Variants in PKHD1L1 observed in about 807,000 individuals in gnomAD.
PKHD1L1 encodes the protein PKHD1 like 1, also known as fibrocystin-L.
Under a neutral mutation model 462.9 loss-of-function variants are expected in PKHD1L1, and 434 were observed. The observed-to-expected ratio is 0.94, with a 90% CI of 0.87 to 1.02. The LOEUF is 1.02. Among genes scored for constraint, PKHD1L1 ranks in the 50% least tolerant of loss-of-function variants. The pLI is 0.00. For missense variants in PKHD1L1, 5,202 were observed against 5,096.1 expected (o/e 1.02, Z -0.63); for synonymous variants, 1,781 against 1,750.0 (o/e 1.02, Z -0.44).
At chr8:109,492,566 G>A (rs1818887413) in intron 62 of PKHD1L1, among the ~76,000 whole-genome samples, 1 of 151,770 alleles carries the variant, frequency 6.6e-6, no homozygotes. Flanking sequence ...TAAGGATTGA[G>A]TTTTTTTATG....
At position 109,452,180 on chromosome 8, in the gene PKHD1L1, A is replaced by G; in HGVS notation, c.6407A>G (p.Tyr2136Cys). Reference sequence around the variant, plus strand: ...GCTGAAGCCAAATGTGATGTTGAGTATTCCAACAAGACACACATCATCTGC... The same window carrying G: ...GCTGAAGCCAAATGTGATGTTGAGTGTTCCAACAAGACACACATCATCTGC... ...TIAEAKCDVE[Y>C]SNKTHIICMT... The change falls in exon 42 of 78, where the codon TAT (tyrosine) becomes TGT (cysteine). Residue 2136 changes from tyrosine (Y) to cysteine (C), a missense_variant. Tyr to Cys is a radical substitution (Grantham distance 194, BLOSUM62 -2). Coordinates refer to ENST00000378402, the MANE Select transcript of PKHD1L1 (RefSeq NM_177531.6). 5 of 1,613,466 alleles carry G rather than the reference A, an allele frequency of 3.1e-6. No homozygotes were observed. The highest frequency in any genetic ancestry group is 4.2e-6 in the Non-Finnish European group (5 of 1,179,614).
chr8:109,389,896 C>T (rs1330597298), intron 8 of PKHD1L1, among the ~76,000 whole-genome samples: 3 of 152,054 alleles, frequency 2.0e-5, no homozygotes, highest in African/African-American at 7.2e-5. Context: ...CTATCCTGAA[C>T]ATTTCAGATA....
Position 109,530,243 on chromosome 8 carries a change from A to C in PKHD1L1, c.*153A>C. 2 of 361,078 alleles carry C rather than the reference A, an allele frequency of 5.5e-6. No homozygotes were observed. Among genetic ancestry groups the C allele is most frequent in the East Asian group, 1.0e-4 (2 of 19,664 alleles). 22.4% of individuals were successfully genotyped at this position (361,078 alleles called of 1,614,324 possible). ...GTACTAATTAGCTTTAAACACTAAA[A>C]TCAGATTTCTTCAAAATATAAATTT... is the stretch of plus-strand genomic sequence containing the variant. On this transcript the variant is annotated 3_prime_UTR_variant, in exon 78 of 78. Transcript: ENST00000378402.
At position 109,406,496 on chromosome 8, in the gene PKHD1L1, T is replaced by C; in HGVS notation, c.1813+18T>C. On this transcript the variant is annotated intron_variant, in intron 17 of 77. Transcript: ENST00000378402. The stretch of plus-strand genomic sequence containing the variant: ...AACTAGAGGTAAGCATGTACTTAAT[T>C]TTGTACTTCTGTAGGAAACAAATGT... 1 of 1,576,116 alleles carries C rather than the reference T, an allele frequency of 6.3e-7. No homozygotes were observed. The highest frequency in any genetic ancestry group is 1.2e-5 in the South Asian group (1 of 84,260).
chr8:109,491,132 A>G, intron 61 of PKHD1L1, 31 bp downstream of exon 61: 10 of 1,589,226 alleles, frequency 6.3e-6, no homozygotes, highest in Non-Finnish European at 8.6e-6. Flanking sequence ...TTCAAATTAC[A>G]CATCCTGTGG....
At chr8:109,363,915 CT>C (rs1163378045) in intron 1 of PKHD1L1, among the ~76,000 whole-genome samples, 1 of 152,150 alleles carries the variant, frequency 6.6e-6, no homozygotes, top group East Asian at 1.9e-4. Context: ...TAACCTAAGC[CT>C]TTGGAAAGTT....
intron 2 of PKHD1L1, among the ~76,000 whole-genome samples, chr8:109,367,275 TTC>T (rs1187201836): frequency 6.6e-6 from 1 of 152,214 alleles, no homozygotes; most frequent in Non-Finnish European, 1.5e-5. Flanking sequence ...CTCTGATAGA[TTC>T]TCTGTTTTTA....
At chr8:109,414,244 C>A (rs1246510940) in intron 21 of PKHD1L1, among the ~76,000 whole-genome samples, 1 of 152,146 alleles carries the variant, frequency 6.6e-6, no homozygotes, top group Non-Finnish European at 1.5e-5. Flanking sequence ...ACATACCTTT[C>A]TATTTTATAC....
At chr8:109,515,488 A>T (rs1307957278) in intron 72 of PKHD1L1, among the ~76,000 whole-genome samples, 183 bp downstream of exon 72, 1 of 152,082 alleles carries the variant, frequency 6.6e-6, no homozygotes, top group African/African-American at 2.4e-5. Flanking sequence ...TTGAAAGATC[A>T]CTCCTAATGG....
chr8:109,370,398 G>A (rs1310411356), intron 2 of PKHD1L1, among the ~76,000 whole-genome samples: 2 of 152,050 alleles, frequency 1.3e-5, no homozygotes, highest in South Asian at 2.1e-4. Flanking sequence ...GCAGGCGTGA[G>A]CCACCGCACC....
intron 42 of PKHD1L1, 57 bp downstream of exon 42, chr8:109,452,337 G>A (rs991660885): frequency 2.9e-5 from 41 of 1,393,066 alleles, no homozygotes; most frequent in Non-Finnish European, 3.9e-5. Flanking sequence ...ATTATGGGAG[G>A]TGGGCTAATT....
intron 16 of PKHD1L1, 86 bp downstream of exon 16, chr8:109,405,216 T>A (rs1368321151): frequency 2.4e-6 from 2 of 820,584 alleles, no homozygotes; most frequent in African/African-American, 3.6e-5. Context: ...AATTACACTG[T>A]CTGGAAAATA....
rs1372329959 is a variant in PKHD1L1, at chr8:109,459,602, C to T, written c.7012C>T (p.Gln2338Ter). The T allele has an allele frequency of 6.4e-7, 1 of 1,554,846 alleles. No individual in the cohort carries two copies. Among genetic ancestry groups the T allele is most frequent in the Admixed American group, 1.9e-5 (1 of 51,478 alleles). ...VIASTGHRHS[Q>*]GENEKMTIAS... ...TTGTCAAAATTTTTACAGACACAGTCAAGGAGAGAATGAAAAAATGACCAT... is the reference window on the plus strand; with the variant it reads ...TTGTCAAAATTTTTACAGACACAGTTAAGGAGAGAATGAAAAAATGACCAT... The change falls in exon 47 of 78, where the codon CAA (glutamine) becomes TAA (stop). Residue 2338 changes from glutamine to a stop codon, truncating the protein, a stop_gained. Transcript: ENST00000378402. LOFTEE classifies it high-confidence loss of function.
chr8:109,433,409 C>T (rs1249789629), intron 28 of PKHD1L1, among the ~76,000 whole-genome samples, 193 bp downstream of exon 28: 2 of 152,176 alleles, frequency 1.3e-5, no homozygotes, highest in South Asian at 2.1e-4. Flanking sequence ...TGATCACAGA[C>T]TATTTCATTG....
chr8:109,521,763 A>G (rs1014837286), intron 73 of PKHD1L1, among the ~76,000 whole-genome samples: 7 of 152,202 alleles, frequency 4.6e-5, no homozygotes. Flanking sequence ...GTATATTAAT[A>G]CATACACATA....
chr8:109,382,250 C>T (rs78318127), intron 3 of PKHD1L1, among the ~76,000 whole-genome samples: 1,661 of 152,076 alleles, frequency 0.011, 36 homozygotes, highest in African/African-American at 0.037. Context: ...TATGCATTTG[C>T]CTGAAGTTCA....
chr8:109,455,616 A>G (rs1816778268), intron 45 of PKHD1L1, among the ~76,000 whole-genome samples: 1 of 152,130 alleles, frequency 6.6e-6, no homozygotes, highest in African/African-American at 2.4e-5. Flanking sequence ...CTAAAATATA[A>G]CAAGGGATTT....
intron 16 of PKHD1L1, among the ~76,000 whole-genome samples, chr8:109,405,622 GTGGGAGCTGAACAA>G (rs1813495574): frequency 6.6e-6 from 1 of 151,808 alleles, no homozygotes; most frequent in African/African-American, 2.4e-5. Context: ...TCACTTATAA[GTGGGAGCTGAACAA>G]TGAGAACACA....
At chr8:109,509,313 A>G (rs968463312) in intron 70 of PKHD1L1, among the ~76,000 whole-genome samples, 1 of 152,072 alleles carries the variant, frequency 6.6e-6, no homozygotes, top group Non-Finnish European at 1.5e-5. Context: ...GAGTAATAGA[A>G]GAGATCTTTC....
Sources: allele counts gnomAD v4.1 joint callset (sites outside exome capture counted in the v4.1 genomes callset), GRCh38; gene constraint gnomAD v4.1.1; transcripts MANE v1.5; gene names NCBI Gene and HGNC (gene_info 2026-07-23, HGNC 2026-07-21).